DCHS1: variants seen among roughly 807,000 people sequenced by gnomAD.
DCHS1 encodes the protein protocadherin-16.
A neutral mutation model predicts 213.9 loss-of-function variants in DCHS1; 78 were observed. The ratio of observed to expected loss-of-function variants is 0.36; its 90% confidence interval spans 0.30 to 0.44. The LOEUF is 0.44. Ranked by LOEUF, DCHS1 falls within the 20% of genes least tolerant of loss-of-function variation. DCHS1 has a pLI of 1.00. For synonymous variants in DCHS1, 1,828 were observed against 1,873.7 expected (o/e 0.98, Z 0.63); for missense variants, 3,946 against 4,395.9 (o/e 0.90, Z 2.89).
chr11:6,631,169 C>A lies in DCHS1; in HGVS notation c.3814G>T (p.Glu1272Ter). ...ELFSLHPHSG[E>*]LLTAAPLIRA... is the part of the protein sequence containing the mutation. ...ATCAGGGGAGCTGCAGTGAGCAGCTCCCCTGAGTGAGGGTGCAGAGAGAAA... is the reference window on the plus strand; with the variant it reads ...ATCAGGGGAGCTGCAGTGAGCAGCTACCCTGAGTGAGGGTGCAGAGAGAAA... The change falls in exon 9 of 21, where the codon GAG becomes TAG. Residue 1272 changes from glutamate to a stop codon, truncating the protein, a stop_gained. Coordinates refer to ENST00000299441, the MANE Select transcript of DCHS1 (RefSeq NM_003737.4). LOFTEE classifies it high-confidence loss of function. The A allele has an allele frequency of 1.2e-6, 2 of 1,611,642 alleles. No homozygotes were observed. The highest frequency in any genetic ancestry group is 8.5e-7 in the Non-Finnish European group (1 of 1,178,526).
chr11:6,630,407 C>T lies in DCHS1; in HGVS notation c.4387G>A (p.Ala1463Thr). Residue 1463 changes from alanine (A) to threonine (T), a missense_variant, in exon 10 of 21, where the codon GCC (alanine) becomes ACC (threonine). Physicochemically the swap from Ala to Thr is moderately conservative, Grantham distance 58 (BLOSUM62 0). This residue lies in a region of DCHS1 where 3,384 missense variants were observed against 3,780.1 expected (regional missense o/e 0.90). Coordinates refer to ENST00000299441, the MANE Select transcript of DCHS1 (RefSeq NM_003737.4). ...TCGCTATTGGGGCCGGGGCCGTCGG[C>T]GTCCGACGCGCGGAAAGTGTACAGC... is the stretch of plus-strand genomic sequence containing the variant. Reference protein sequence around the residue: ...AALYTFRASDADGPGPNSDVR... With the variant: ...AALYTFRASDTDGPGPNSDVR... The T allele has an allele frequency of 2.1e-6, 3 of 1,430,550 alleles. No individual in the cohort carries two copies. Among genetic ancestry groups the T allele is most frequent in the Non-Finnish European group, 2.7e-6 (3 of 1,097,250 alleles). The allele number at this position is 1,430,550 out of a possible 1,614,324, so 88.6% of individuals were successfully genotyped here.
rs1205631536 is a variant in DCHS1 at position 6,622,526 on chromosome 11, G to A, written c.9150C>T (p.Phe3050=). The A allele has an allele frequency of 1.3e-6, 2 of 1,579,288 alleles. No homozygotes were observed. Among genetic ancestry groups the A allele is most frequent in the Non-Finnish European group, 1.7e-6 (2 of 1,163,260 alleles). ...EDDEIRMINE[F]PRVASVASSL... ...AGGAGGCCACACTGGCCACACGGGG[G>A]AACTCATTGATCATGCGGATCTCAT... Residue 3050 remains phenylalanine, a synonymous_variant, in exon 21 of 21, where the codon TTC becomes TTT. Transcript: ENST00000299441. The surrounding 1 kb of genome is among the most constrained non-coding windows in gnomAD (Gnocchi z 5.4).
intron 12 of DCHS1, 61 bp downstream of exon 12, chr11:6,629,391 C>A: frequency 6.3e-7 from 1 of 1,582,994 alleles, no homozygotes; most frequent in Admixed American, 1.8e-5. Context: ...GGTATTCTAT[C>A]CAGGTAACAC....
rs749199604 is a variant in DCHS1 at position 6,630,542 on chromosome 11, G to A, written c.4252C>T (p.Arg1418Trp). The A allele has an allele frequency of 2.7e-5, 42 of 1,531,408 alleles. No homozygotes were observed. In the South Asian group the frequency reaches 5.0e-4, roughly 18 times the overall value. 94.9% of individuals were successfully genotyped at this position (1,531,408 alleles called of 1,614,324 possible). The part of the protein sequence containing the change: ...RAEGPGGAGA[R>W]LLRVQVQVQD... ...ACTTGCACCTGCACTCGCAGCAGCC[G>A]CGCGCCCGCGCCTCCCGGCCCCTCA... is the stretch of plus-strand genomic sequence containing the variant. The change falls in exon 10 of 21, where the codon CGG (arginine) becomes TGG (tryptophan). Residue 1418 changes from arginine to tryptophan, a missense_variant. Physicochemically the swap from Arg to Trp is moderately radical, Grantham distance 101. Coordinates refer to ENST00000299441, the MANE Select transcript of DCHS1 (RefSeq NM_003737.4).
chr11:6,626,899 G>A lies in DCHS1; in HGVS notation c.6140C>T (p.Ala2047Val). Residue 2047 changes from alanine (A) to valine (V), a missense_variant, in exon 14 of 21, where the codon GCT becomes GTT. Around this residue, in one of 3 missense-constraint regions of DCHS1, gnomAD observed 3,384 missense variants for 3,780.1 expected, o/e 0.90. Coordinates refer to ENST00000299441, the MANE Select transcript of DCHS1 (RefSeq NM_003737.4). This position sits in a 1 kb window ranked among gnomAD's most constrained non-coding sequence, Gnocchi z 5.2. ...AATGATCACACCAGTGGCAGAGCGAGCTGGACGGCCAAGATCAGTGGCCAC... is the reference window on the plus strand; with the variant it reads ...AATGATCACACCAGTGGCAGAGCGAACTGGACGGCCAAGATCAGTGGCCAC... Reference protein sequence around the residue: ...FIVATDLGRPARSATGVIIVG... With the variant: ...FIVATDLGRPVRSATGVIIVG... The A allele has an allele frequency of 1.2e-6, 2 of 1,613,572 alleles. No individual in the cohort carries two copies.
chr11:6,624,768 G>A lies in DCHS1; in HGVS notation c.7247C>T (p.Ala2416Val). ...AACACTGAAGCCATCGGCAGGGGAA[G>A]CCAGGTGGTAGGAAATGTGACCGTT... ...GANGHISYHL[A>V]SPADGFSVDP... Residue 2416 changes from alanine (A) to valine (V), a missense_variant, in exon 20 of 21, where the codon GCT (alanine) becomes GTT (valine). Transcript: ENST00000299441. 6.2e-7 allele frequency: 1 copy of A among 1,613,896 alleles called. No individual in the cohort carries two copies. The highest frequency in any genetic ancestry group is 8.5e-7 in the Non-Finnish European group (1 of 1,179,836).
At position 6,632,375 on chromosome 11, in the gene DCHS1, C is replaced by A; in HGVS notation, c.3137G>T (p.Gly1046Val). 1 of 1,613,922 alleles carries A rather than the reference C, an allele frequency of 6.2e-7. No homozygotes were observed. Among genetic ancestry groups the A allele is most frequent in the Non-Finnish European group, 8.5e-7 (1 of 1,179,834 alleles). Residue 1046 changes from glycine (G) to valine (V), a missense_variant, in exon 6 of 21, where the codon GGC becomes GTC. Physicochemically the swap from Gly to Val is moderately radical, Grantham distance 109 (BLOSUM62 -3). Around this residue, in one of 3 missense-constraint regions of DCHS1, gnomAD observed 3,384 missense variants for 3,780.1 expected, o/e 0.90. Transcript: ENST00000299441. The surrounding 1 kb of genome is among the most constrained non-coding windows in gnomAD (Gnocchi z 5.9). ...LAAEGASSPF[G>V]LEPQSGWLWV... is the part of the protein sequence containing the mutation. Reference sequence around the variant, plus strand: ...TAGCCACCCACTCTGTGGCTCCAGGCCAAAGGGGCTACTTGCTCCCTCTGC... The same window carrying A: ...TAGCCACCCACTCTGTGGCTCCAGGACAAAGGGGCTACTTGCTCCCTCTGC...
intron 1 of DCHS1, among the ~76,000 whole-genome samples, chr11:6,642,361 G>A (rs1365727259): frequency 6.6e-6 from 1 of 152,202 alleles, no homozygotes; most frequent in Non-Finnish European, 1.5e-5. Context: ...AGTTGAACAA[G>A]TAATTACAAG....
In DCHS1 at chr11:6,639,896, T is replaced by C; in HGVS notation, c.1718A>G (p.Asp573Gly). ...TVSVALQDVNDNEPQFQRTFY... is the reference protein window; with the variant it reads ...TVSVALQDVNGNEPQFQRTFY... The stretch of plus-strand genomic sequence containing the variant: ...AGTCCTCTGGAATTGGGGCTCATTA[T>C]CATTCACATCTTGCAGGGCCACGCT... Residue 573 changes from aspartate (D) to glycine (G), a missense_variant, in exon 2 of 21, where the codon GAT becomes GGT. Coordinates refer to ENST00000299441, the MANE Select transcript of DCHS1 (RefSeq NM_003737.4). 1.9e-6 allele frequency: 3 copies of C among 1,613,936 alleles called. No individual in the cohort carries two copies. The highest frequency in any genetic ancestry group is 2.5e-6 in the Non-Finnish European group (3 of 1,179,826).
At chr11:6,646,851 C>CA (rs1856164398) in intron 1 of DCHS1, among the ~76,000 whole-genome samples, 1 of 152,182 alleles carries the variant, frequency 6.6e-6, no homozygotes, top group African/African-American at 2.4e-5. Flanking sequence ...CTCACACCCC[C>CA]AGCCTGTGTG....
chr11:6,633,386 C>T (rs1330589246), intron 5 of DCHS1, 26 bp downstream of exon 5: 2 of 1,544,314 alleles, frequency 1.3e-6, no homozygotes, highest in Non-Finnish European at 1.8e-6. Flanking sequence ...GGTCTGACAC[C>T]AAGTGGGTAT....
In DCHS1 at chr11:6,631,081, C is replaced by A; in HGVS notation, c.3902G>T (p.Arg1301Leu). The A allele has an allele frequency of 3.1e-6, 5 of 1,611,312 alleles. No homozygotes were observed. Among genetic ancestry groups the A allele is most frequent in the Non-Finnish European group, 4.2e-6 (5 of 1,178,084 alleles). The part of the protein sequence containing the change: ...LSAHDQGSPP[R>L]SASLQLLVQV... The stretch of plus-strand genomic sequence containing the variant: ...CACCAGCAGCTGGAGGCTGGCACTT[C>A]GAGGAGGGCTGCCTTGGTCATGAGC... The change falls in exon 9 of 21, where the codon CGA (arginine) becomes CTA (leucine). Residue 1301 changes from arginine (R) to leucine (L), a missense_variant. This residue lies in a region of DCHS1 where 3,384 missense variants were observed against 3,780.1 expected (regional missense o/e 0.90). Transcript: ENST00000299441.
In DCHS1 at chr11:6,626,706, T is replaced by C; in HGVS notation, c.6251-41A>G. 2 of 1,611,582 alleles carry C rather than the reference T, an allele frequency of 1.2e-6. No homozygotes were observed. The highest frequency in any genetic ancestry group is 1.7e-6 in the Non-Finnish European group (2 of 1,178,992). ...TATTGTTGGACTGTGAGCGCGAGACTGGGAGAGTTTGGGGGACATTTTCAA... is the reference window on the plus strand; with the variant it reads ...TATTGTTGGACTGTGAGCGCGAGACCGGGAGAGTTTGGGGGACATTTTCAA... On this transcript the variant is annotated intron_variant, in intron 14 of 20. Transcript: ENST00000299441. The surrounding 1 kb of genome is among the most constrained non-coding windows in gnomAD (Gnocchi z 5.2).
At position 6,641,676 on chromosome 11, in the gene DCHS1, A is replaced by T; in HGVS notation, c.-63T>A. 4.7e-6 allele frequency: 7 copies of T among 1,475,088 alleles called. No individual in the cohort carries two copies. The South Asian group carries it at 9.7e-5, about 20-fold the overall frequency. 91.4% of individuals were successfully genotyped at this position (1,475,088 alleles called of 1,614,324 possible). A position where few individuals can be genotyped will look rare whatever the true frequency, so the allele number is the denominator to read the frequency against. ...CAGGCCAGGCTCTGGGCCCAGCTTG[A>T]CCTCAGACTTTGGGTCAGGTCCCAC... On this transcript the variant is annotated 5_prime_UTR_variant, in exon 2 of 21. Transcript: ENST00000299441. This position sits in a 1 kb window ranked among gnomAD's most constrained non-coding sequence, Gnocchi z 7.1.
In DCHS1 at chr11:6,623,837, C is replaced by T. The variant is rs2659876; in HGVS notation, c.7839G>A (p.Glu2613=). The change falls in exon 21 of 21, where the codon GAG becomes GAA. Residue 2613 remains glutamate (E), a synonymous_variant. Coordinates refer to ENST00000299441, the MANE Select transcript of DCHS1 (RefSeq NM_003737.4). ...TRASYRVTVP[E]DTPVGAELLH... ...GCAGCTCAGCTCCAACAGGTGTGTC[C>T]TCAGGTACTGTCACACGGTAGGATG... 4,523 of 1,613,046 alleles carry T rather than the reference C, an allele frequency of 2.8e-3. 109 individuals are homozygous for T. The African/African-American group carries it at 0.051, about 18-fold the overall frequency.
At chr11:6,654,656 G>C (rs1372649543) in intron 1 of DCHS1, among the ~76,000 whole-genome samples, 1 of 152,116 alleles carries the variant, frequency 6.6e-6, no homozygotes. Context: ...GGGCTTCCTG[G>C]AAGTGTATGA....
At position 6,623,970 on chromosome 11, in the gene DCHS1, T is replaced by C. The variant is rs1184043942; in HGVS notation, c.7706A>G (p.Asn2569Ser). ...PLDFESLTQY[N>S]LTVAAADRGQ... ...ACGGTCAGCTGCAGCCACTGTTAGA[T>C]TGTACTGTGTCAGGCTTTCAAAGTC... is the stretch of plus-strand genomic sequence containing the variant. The change falls in exon 21 of 21, where the codon AAT becomes AGT. Residue 2569 changes from asparagine to serine, a missense_variant. By Grantham distance (46) the Asn-to-Ser change is conservative. This residue lies in a region of DCHS1 where 3,384 missense variants were observed against 3,780.1 expected (regional missense o/e 0.90). Transcript: ENST00000299441. The C allele has an allele frequency of 1.2e-6, 2 of 1,609,996 alleles. No individual in the cohort carries two copies. The highest frequency in any genetic ancestry group is 2.2e-5 in the East Asian group (1 of 44,750).
intron 5 of DCHS1, 48 bp from the exon 6 acceptor site, chr11:6,633,104 T>C (rs1214064146): frequency 7.1e-6 from 11 of 1,554,824 alleles, no homozygotes; most frequent in Non-Finnish European, 9.6e-6. Context: ...GGGGCACTTA[T>C]TGAGTCAGGA....
Position 6,624,864 on chromosome 11 carries a change from A to T in DCHS1, c.7151T>A (p.Met2384Lys), listed in dbSNP as rs1467630689. The change falls in exon 20 of 21, where the codon ATG becomes AAG. Residue 2384 changes from methionine (M) to lysine (K), a missense_variant. Transcript: ENST00000299441. ...PAFSQSLYQV[M>K]LLEHTPPGSA... Reference sequence around the variant, plus strand: ...GCCTGGGGGTGTGTGCTCAAGCAGCATTACCTGAAGTGTGAGGAAAAGTGC... The same window carrying T: ...GCCTGGGGGTGTGTGCTCAAGCAGCTTTACCTGAAGTGTGAGGAAAAGTGC... The T allele has an allele frequency of 1.9e-6, 3 of 1,613,848 alleles. No homozygotes were observed. Among genetic ancestry groups the T allele is most frequent in the Non-Finnish European group, 8.5e-7 (1 of 1,179,850 alleles).
Sources: gnomAD v4.1 joint callset for allele counts (sites outside exome capture counted in the v4.1 genomes callset) on GRCh38, gnomAD v4.1.1 for gene constraint, gnomAD v4.1.1 regional missense constraint, Gnocchi (gnomAD v3.1) non-coding constraint, MANE v1.5 for transcripts, NCBI Gene and HGNC (gene_info 2026-07-23, HGNC 2026-07-21) for gene names.